Variants in FGGY observed in about 807,000 individuals in gnomAD.
FGGY encodes the protein FGGY carbohydrate kinase domain-containing protein.
FGGY carries 72 observed loss-of-function variants against 71.3 expected under a neutral mutation model. The observed-to-expected ratio is 1.01, with a 90% CI of 0.84 to 1.23. FGGY has a LOEUF of 1.23. FGGY is among the 50% of genes most tolerant of loss of function. The pLI is 0.00. For missense variants in FGGY, 668 were observed against 682.3 expected (o/e 0.98, Z 0.23); for synonymous variants, 251 against 250.3 (o/e 1.00, Z -0.02).
intron 10 of FGGY, among the ~76,000 whole-genome samples, chr1:59,630,090 AAG>A (rs143769387): frequency 6.6e-6 from 1 of 152,124 alleles, no homozygotes; most frequent in South Asian, 2.1e-4. Context: ...ACATGGTGGC[AAG>A]AGAGAGAAGT....
At chr1:59,617,064 A>G (rs1304053627) in intron 9 of FGGY, among the ~76,000 whole-genome samples, 1 of 152,140 alleles carries the variant, frequency 6.6e-6, no homozygotes, top group East Asian at 1.9e-4. Flanking sequence ...ATAGGACATG[A>G]TAAGAAAAAG....
chr1:59,387,663 C>G (rs569390774), intron 5 of FGGY, among the ~76,000 whole-genome samples: 2 of 151,960 alleles, frequency 1.3e-5, no homozygotes, highest in Non-Finnish European at 2.9e-5. Flanking sequence ...TATTGAACAC[C>G]CTTATACCTT....
At chr1:59,503,989 CAGAG>C (rs1429695026) in intron 6 of FGGY, among the ~76,000 whole-genome samples, 1 of 152,090 alleles carries the variant, frequency 6.6e-6, no homozygotes. Context: ...GAATGCTACA[CAGAG>C]AGGCCAAAAA....
intron 1 of FGGY, among the ~76,000 whole-genome samples, chr1:59,319,650 G>A (rs184453351): frequency 6.2e-4 from 94 of 152,298 alleles, no homozygotes; most frequent in African/African-American, 2.2e-3. Context: ...CAAAGGATTG[G>A]GGCAGCCTTT....
rs767018304 is a variant in FGGY at position 59,731,847 on chromosome 1, C to T, written c.1513-26084C>T. On this transcript the variant is annotated intron_variant, in intron 14 of 15. Coordinates refer to ENST00000303721, the MANE Select transcript of FGGY (RefSeq NM_018291.5). ...GGAATCTGGCTCTGATCCCCTGCTC[C>T]GAATCCCTGTTTAAGCTCTCTTCCC... Among the ~76,000 whole-genome samples, 8 of 152,172 alleles carry T rather than the reference C, an allele frequency of 5.3e-5. No individual in the cohort carries two copies. In the East Asian group the frequency reaches 7.7e-4, roughly 15 times the overall value.
chr1:59,425,745 C>A (rs1299689759), intron 5 of FGGY, among the ~76,000 whole-genome samples: 1 of 152,170 alleles, frequency 6.6e-6, no homozygotes, highest in African/African-American at 2.4e-5. Context: ...TTTCCTTGAG[C>A]ATGTCAAGTT....
chr1:59,595,431 C>G (rs1374999825), intron 8 of FGGY, among the ~76,000 whole-genome samples: 1 of 152,176 alleles, frequency 6.6e-6, no homozygotes, highest in Non-Finnish European at 1.5e-5. Context: ...TGGCTCATGC[C>G]TGTAATCCCA....
intron 9 of FGGY, among the ~76,000 whole-genome samples, chr1:59,618,028 A>C (rs1285973628): frequency 1.3e-5 from 2 of 152,072 alleles, no homozygotes; most frequent in Non-Finnish European, 2.9e-5. Context: ...GATTATGGAG[A>C]TAATGATTTC....
At chr1:59,573,638 T>A (rs2096027121) in intron 8 of FGGY, among the ~76,000 whole-genome samples, 1 of 152,178 alleles carries the variant, frequency 6.6e-6, no homozygotes, top group Non-Finnish European at 1.5e-5. Context: ...ATTTTAAAAG[T>A]GTTTTTTAAT....
intron 4 of FGGY, among the ~76,000 whole-genome samples, chr1:59,354,528 C>T (rs1420157332): frequency 6.6e-6 from 1 of 152,230 alleles, no homozygotes; most frequent in Non-Finnish European, 1.5e-5. Flanking sequence ...GCTCTACTGC[C>T]TCTTTCAGCG....
chr1:59,751,358 A>G (rs370216907), intron 14 of FGGY, among the ~76,000 whole-genome samples: 201 of 152,310 alleles, frequency 1.3e-3, no homozygotes, highest in African/African-American at 4.7e-3. Flanking sequence ...CAGACACCAC[A>G]GTGTTTTTTA....
At chr1:59,318,395 G>A (rs890841582) in intron 1 of FGGY, among the ~76,000 whole-genome samples, 4 of 152,158 alleles carry the variant, frequency 2.6e-5, no homozygotes, top group Non-Finnish European at 5.9e-5. Context: ...TGTGACACAG[G>A]CGGCAGCTGG....
At chr1:59,759,376 C>A (rs1020925292) in intron 15 of FGGY, among the ~76,000 whole-genome samples, 1 of 152,194 alleles carries the variant, frequency 6.6e-6, no homozygotes, top group Non-Finnish European at 1.5e-5. Context: ...GTGGAGAGAT[C>A]TGAGTTCCCA....
rs149581846 is a variant in FGGY at position 59,319,922 on chromosome 1, G to T, written c.-14-1614G>T. ...CAAGGGCGATCTTTGCTTCAGAGCA[G>T]CTCTGTTTTTATCTGTTTTGTTTTC... is the stretch of plus-strand genomic sequence containing the variant. On this transcript the variant is annotated intron_variant, in intron 1 of 15. Coordinates refer to ENST00000303721, the MANE Select transcript of FGGY (RefSeq NM_018291.5). 8.1e-4 allele frequency among the ~76,000 whole-genome samples: 123 copies of T among 152,304 alleles called. 2 individuals carry two copies. In the East Asian group the frequency reaches 0.021, roughly 26 times the overall value.
intron 8 of FGGY, among the ~76,000 whole-genome samples, chr1:59,588,086 A>G (rs370229977): frequency 1.3e-5 from 2 of 152,186 alleles, no homozygotes; most frequent in Admixed American, 6.5e-5. Flanking sequence ...AACCAATACA[A>G]AGAAGTGCTT....
intron 5 of FGGY, among the ~76,000 whole-genome samples, chr1:59,403,771 G>A (rs746883284): frequency 2.6e-5 from 4 of 152,214 alleles, no homozygotes; most frequent in Non-Finnish European, 4.4e-5. Flanking sequence ...GGCTTAAGGA[G>A]TGTTTCTGAT....
intron 14 of FGGY, among the ~76,000 whole-genome samples, chr1:59,730,216 C>A (rs1161672671): frequency 6.6e-6 from 1 of 152,094 alleles, no homozygotes. Context: ...TCTGGGTTGT[C>A]CTTTCTCTTC....
chr1:59,377,081 T>C (rs944118439), intron 4 of FGGY, among the ~76,000 whole-genome samples: 2 of 152,072 alleles, frequency 1.3e-5, no homozygotes, highest in Admixed American at 1.3e-4. Context: ...GTGCTTGTAG[T>C]AAGGGGATGA....
At chr1:59,743,932 C>T (rs955119718) in intron 14 of FGGY, among the ~76,000 whole-genome samples, 1 of 152,220 alleles carries the variant, frequency 6.6e-6, no homozygotes, top group African/African-American at 2.4e-5. Context: ...TTCTTTATCA[C>T]TCCCCTGCCC....
Sources: gnomAD v4.1 joint callset for allele counts (sites outside exome capture counted in the v4.1 genomes callset) on GRCh38, gnomAD v4.1.1 for gene constraint, MANE v1.5 for transcripts, NCBI Gene and HGNC (gene_info 2026-07-23, HGNC 2026-07-21) for gene names.